The following RPS6KA1 variants were observed in gnomAD, a reference collection of about 807,000 sequenced individuals.
The protein encoded by RPS6KA1 is ribosomal protein S6 kinase A1, also known as ribosomal protein S6 kinase alpha-1.
In RPS6KA1, 48 loss-of-function variants were observed where a neutral mutation model predicts 91.3. The observed-to-expected ratio is 0.53, with a 90% CI of 0.42 to 0.67. RPS6KA1 has a LOEUF of 0.67. RPS6KA1 is among the 30% of genes least tolerant of loss of function. The pLI, the probability that RPS6KA1 is intolerant of heterozygous loss-of-function variation, is 0.00. For missense variants in RPS6KA1, 719 were observed against 960.5 expected (o/e 0.75, Z 3.32); for synonymous variants, 359 against 384.7 (o/e 0.93, Z 0.78).
At chr1:26,562,792 C>G (rs1034538723) in intron 17 of RPS6KA1, among the ~76,000 whole-genome samples, 2 of 150,098 alleles carry the variant, frequency 1.3e-5, no homozygotes, top group African/African-American at 4.9e-5. Context: ...TCACATAGTA[C>G]CCAGTCCATA....
At chr1:26,560,654 A>G in intron 14 of RPS6KA1, 72 bp from the exon 15 acceptor site, 4 of 1,598,978 alleles carry the variant, frequency 2.5e-6, no homozygotes, top group Non-Finnish European at 3.4e-6. Context: ...CTGAGCCAAG[A>G]CCTTAGGTCC....
intron 2 of RPS6KA1, chr1:26,546,087 G>A (rs1413815324): frequency 1.9e-6 from 3 of 1,586,768 alleles, no homozygotes; most frequent in African/African-American, 2.7e-5. Flanking sequence ...CTTGCAGCAG[G>A]TGCCTGGGAA....
intron 17 of RPS6KA1, among the ~76,000 whole-genome samples, chr1:26,565,648 GCCT>G (rs1230691753): frequency 1.3e-5 from 2 of 151,144 alleles, no homozygotes; most frequent in Non-Finnish European, 2.9e-5. Context: ...TGCAACCTCT[GCCT>G]CCCAGGTTCA....
At chr1:26,545,359 G>C (rs1418764196) in intron 2 of RPS6KA1, among the ~76,000 whole-genome samples, 1 of 142,206 alleles carries the variant, frequency 7.0e-6, no homozygotes, top group Non-Finnish European at 1.5e-5. Flanking sequence ...TGTATTTTTA[G>C]TAGAGACAGG....
At chr1:26,556,601 A>G in intron 11 of RPS6KA1, 53 bp from the exon 12 acceptor site, 1 of 1,591,378 alleles carries the variant, frequency 6.3e-7, no homozygotes, top group East Asian at 2.2e-5. Context: ...GGGCAGGGTA[A>G]TATCTGGGAC....
intron 17 of RPS6KA1, among the ~76,000 whole-genome samples, chr1:26,565,808 G>A (rs555611457): frequency 1.2e-4 from 18 of 152,024 alleles, no homozygotes; most frequent in South Asian, 1.0e-3. Context: ...GTGATCCACC[G>A]GTCTCGGCCT....
chr1:26,568,933 C>T (rs1459142964), intron 17 of RPS6KA1, among the ~76,000 whole-genome samples: 2 of 152,042 alleles, frequency 1.3e-5, no homozygotes, highest in African/African-American at 4.8e-5. Context: ...TAGTGGCTCA[C>T]ACCTGTAATC....
At chr1:26,563,837 G>T (rs1440874067) in intron 17 of RPS6KA1, among the ~76,000 whole-genome samples, 2 of 152,084 alleles carry the variant, frequency 1.3e-5, no homozygotes, top group Non-Finnish European at 2.9e-5. Flanking sequence ...GATGGCTAAG[G>T]TTGGGCTGAG....
Position 26,547,259 on chromosome 1 carries a change from C to T in RPS6KA1, c.296C>T (p.Ala99Val). 1 of 1,613,812 alleles carries T rather than the reference C, an allele frequency of 6.2e-7. No homozygotes were observed. The highest frequency in any genetic ancestry group is 8.5e-7 in the Non-Finnish European group (1 of 1,179,948). Residue 99 changes from alanine to valine, a missense_variant, in exon 4 of 22, where the codon GCA becomes GTA. This residue lies in a region of RPS6KA1 where 159 missense variants were observed against 264.5 expected (regional missense o/e 0.60). Transcript: ENST00000374168. This position sits in a 1 kb window ranked among gnomAD's most constrained non-coding sequence, Gnocchi z 4.1. Reference protein sequence around the residue: ...HLYAMKVLKKATLKVRDRVRT... With the variant: ...HLYAMKVLKKVTLKVRDRVRT... ...TATGCTATGAAGGTGCTGAAGAAGG[C>T]AACGCTGAAAGGTGAGTGGGGACAC...
chr1:26,570,317 T>G (rs1294322194), intron 17 of RPS6KA1, among the ~76,000 whole-genome samples: 2 of 151,932 alleles, frequency 1.3e-5, no homozygotes, highest in African/African-American at 4.8e-5. Flanking sequence ...AGACCCTGTC[T>G]CTGCAAAAAA....
Position 26,555,147 on chromosome 1 carries a change from G to T in RPS6KA1, c.757-4G>T, listed in dbSNP as rs372090992. On this transcript the variant is annotated splice_polypyrimidine_tract_variant and splice_region_variant and intron_variant, in intron 9 of 21. Transcript: ENST00000374168. The surrounding 1 kb of genome is among the most constrained non-coding windows in gnomAD (Gnocchi z 4.3). ...GAGCCTGAATAGATCCTTGTCCTCT[G>T]CAGTTTGAGATGCTGACGGGCTCCC... 3.2e-5 allele frequency: 51 copies of T among 1,613,976 alleles called. No homozygotes were observed. The African/African-American group carries it at 3.6e-4, about 11-fold the overall frequency.
At position 26,555,164 on chromosome 1, in the gene RPS6KA1, C is replaced by T. The variant is rs766775987; in HGVS notation, c.770C>T (p.Thr257Met). The T allele has an allele frequency of 3.2e-5, 52 of 1,613,918 alleles. No individual in the cohort carries two copies. The highest frequency in any genetic ancestry group is 4.2e-5 in the Non-Finnish European group (50 of 1,179,952). ...TGTCCTCTGCAGTTTGAGATGCTGA[C>T]GGGCTCCCTGCCCTTCCAGGGGAAG... ...SYGVLMFEMLTGSLPFQGKDR... is the reference protein window; with the variant it reads ...SYGVLMFEMLMGSLPFQGKDR... Residue 257 changes from threonine to methionine, a missense_variant, in exon 10 of 22, where the codon ACG becomes ATG. Around this residue, in one of 5 missense-constraint regions of RPS6KA1, gnomAD observed 228 missense variants for 247.6 expected, o/e 0.92. Transcript: ENST00000374168. This position sits in a 1 kb window ranked among gnomAD's most constrained non-coding sequence, Gnocchi z 4.3.
intron 17 of RPS6KA1, among the ~76,000 whole-genome samples, chr1:26,569,609 T>C (rs1305532341): frequency 6.6e-6 from 1 of 152,170 alleles, no homozygotes; most frequent in Non-Finnish European, 1.5e-5. Context: ...GGCTTGGAGA[T>C]CAACTGAGAC....
At position 26,574,128 on chromosome 1, in the gene RPS6KA1, C is replaced by G. The variant is rs779444095; in HGVS notation, c.2135C>G (p.Pro712Arg). 11 of 1,614,046 alleles carry G rather than the reference C, an allele frequency of 6.8e-6. No individual in the cohort carries two copies. The Admixed American group carries it at 1.0e-4, about 15-fold the overall frequency. ...GCACTCAACAGCTCCAAGCCCACCC[C>G]CCAGCTGAAGCCCATCGAGTCATCC... ...YSALNSSKPT[P>R]QLKPIESSIL... Residue 712 changes from proline (P) to arginine (R), a missense_variant, in exon 22 of 22, where the codon CCC becomes CGC. Coordinates refer to ENST00000374168, the MANE Select transcript of RPS6KA1 (RefSeq NM_002953.4). This position sits in a 1 kb window ranked among gnomAD's most constrained non-coding sequence, Gnocchi z 4.3.
In RPS6KA1 at chr1:26,556,719, G is replaced by A; in HGVS notation, c.981+1G>A. On this transcript the variant is annotated splice_donor_variant, in intron 12 of 21. Coordinates refer to ENST00000374168, the MANE Select transcript of RPS6KA1 (RefSeq NM_002953.4). LOFTEE classifies it high-confidence loss of function. ...CTTCTACTCCACCATTGACTGGAAT[G>A]TGAGTGTGTCCACCCACACCAGGGC... is the stretch of plus-strand genomic sequence containing the variant. 1 of 1,614,186 alleles carries A rather than the reference G, an allele frequency of 6.2e-7. No homozygotes were observed. Among genetic ancestry groups the A allele is most frequent in the Middle Eastern group, 1.6e-4 (1 of 6,062 alleles).
chr1:26,556,558 A>G lies in RPS6KA1; in HGVS notation c.917-96A>G, dbSNP rs181731426. 9.2e-6 allele frequency: 12 copies of G among 1,309,852 alleles called. No individual in the cohort carries two copies. The East Asian group carries it at 2.8e-4, about 30-fold the overall frequency. The allele number at this position is 1,309,852 out of a possible 1,614,324, so 81.1% of individuals were successfully genotyped here. On this transcript the variant is annotated intron_variant, in intron 11 of 21. Coordinates refer to ENST00000374168, the MANE Select transcript of RPS6KA1 (RefSeq NM_002953.4). ...AGCCCATTTTCCCCTCTGCTCCAGC[A>G]GCTGGTCCCAGAGCCCTGTGAGGCT...
At chr1:26,570,849 G>T (rs1003297415) in intron 17 of RPS6KA1, among the ~76,000 whole-genome samples, 2 of 152,312 alleles carry the variant, frequency 1.3e-5, no homozygotes, top group Admixed American at 1.3e-4. Flanking sequence ...AGGGCCAGGC[G>T]TGGTGGCTCA....
chr1:26,554,624 C>A lies in RPS6KA1; in HGVS notation c.642C>A (p.Asp214Glu). Residue 214 changes from aspartate (D) to glutamate (E), a missense_variant, in exon 9 of 22, where the codon GAC becomes GAA. By Grantham distance (45) the Asp-to-Glu change is conservative. This residue lies in a region of RPS6KA1 where 159 missense variants were observed against 264.5 expected (regional missense o/e 0.60). Coordinates refer to ENST00000374168, the MANE Select transcript of RPS6KA1 (RefSeq NM_002953.4). The surrounding 1 kb of genome is among the most constrained non-coding windows in gnomAD (Gnocchi z 4.6). Reference protein sequence around the residue: ...TDFGLSKEAIDHEKKAYSFCG... With the variant: ...TDFGLSKEAIEHEKKAYSFCG... ...TTGGCCTGAGCAAAGAGGCCATTGA[C>A]CACGAGAAGAAGGCCTATTCTTTCT... The A allele has an allele frequency of 6.2e-7, 1 of 1,613,632 alleles. No homozygotes were observed. The highest frequency in any genetic ancestry group is 1.1e-5 in the South Asian group (1 of 91,062).
chr1:26,536,095 A>T (rs1197300430), intron 1 of RPS6KA1, among the ~76,000 whole-genome samples: 1 of 147,562 alleles, frequency 6.8e-6, no homozygotes, highest in Non-Finnish European at 1.5e-5. Flanking sequence ...CGGAGGTTGC[A>T]GTGAGCTGCG....
Sources: gnomAD v4.1 joint callset for allele counts (sites outside exome capture counted in the v4.1 genomes callset) on GRCh38, gnomAD v4.1.1 for gene constraint, gnomAD v4.1.1 regional missense constraint, Gnocchi (gnomAD v3.1) non-coding constraint, MANE v1.5 for transcripts, NCBI Gene and HGNC (gene_info 2026-07-23, HGNC 2026-07-21) for gene names.